REPS2: variants seen among roughly 807,000 people sequenced by gnomAD.
REPS2 encodes the protein RALBP1 associated Eps domain containing 2.
In REPS2, 23 loss-of-function variants were observed where a neutral mutation model predicts 53.6. That is an observed-to-expected ratio of 0.43 (90% CI 0.31 to 0.61). REPS2 has a LOEUF of 0.61. Among genes scored for constraint, REPS2 ranks in the 20% least tolerant of loss-of-function variants. The pLI is 0.11. For missense variants in REPS2, 446 were observed against 534.9 expected (o/e 0.83, Z 1.64); for synonymous variants, 238 against 218.6 (o/e 1.09, Z -0.78).
the REPS2 span, among the ~76,000 whole-genome samples, chrX:17,159,246 A>G: frequency 1.8e-5 from 2 of 111,809 alleles, no homozygotes; most frequent in Non-Finnish European, 3.8e-5. Context: ...TCAATGAGGC[A>G]GAAGTCATGC....
At chrX:17,008,593 A>T (rs1202170586) in intron 2 of REPS2, among the ~76,000 whole-genome samples, 1 of 112,245 alleles carries the variant, frequency 8.9e-6, no homozygotes, top group Non-Finnish European at 1.9e-5. Flanking sequence ...ATCCATTTAA[A>T]GATTGATTAA....
At chrX:17,071,584 C>T (rs2062306626) in intron 11 of REPS2, among the ~76,000 whole-genome samples, 1 of 111,660 alleles carries the variant, frequency 9.0e-6, no homozygotes, top group Non-Finnish European at 1.9e-5. Flanking sequence ...ACTACTGCCC[C>T]TCTCTGGGTA....
At chrX:17,012,380 A>AAACAACAACAACAACAAC (rs370794081) in intron 2 of REPS2, among the ~76,000 whole-genome samples, 153 of 101,931 alleles carry the variant, frequency 1.5e-3, no homozygotes, top group African/African-American at 5.3e-3. Context: ...TGCCATCTCA[A>AAACAACAACAACAACAAC]AACAACAACA....
At chrX:16,991,258 A>T (rs1473397010) in intron 1 of REPS2, among the ~76,000 whole-genome samples, 1 of 111,445 alleles carries the variant, frequency 9.0e-6, no homozygotes, top group African/African-American at 3.3e-5. Context: ...CAAGCGATTC[A>T]TCTCTTTGCC....
At chrX:17,136,717 CA>C (rs1189874939) in intron 16 of REPS2, 11 of 112,106 alleles carry the variant, frequency 9.8e-5, no homozygotes, top group African/African-American at 3.6e-4. Context: ...TTCACAAAGT[CA>C]TGCAACCATC....
At chrX:17,176,002 A>G in the REPS2 span, among the ~76,000 whole-genome samples, 1 of 112,475 alleles carries the variant, frequency 8.9e-6, no homozygotes, top group Non-Finnish European at 1.9e-5. Flanking sequence ...AAGCCAAGGC[A>G]GGATGGGGAA....
At chrX:16,988,838 G>A (rs779923619) in intron 1 of REPS2, among the ~76,000 whole-genome samples, 2 of 112,235 alleles carry the variant, frequency 1.8e-5, no homozygotes, top group Admixed American at 1.9e-4. Flanking sequence ...AACATACCAT[G>A]TTCCAGGATT....
chrX:17,004,776 G>A (rs963140028), intron 1 of REPS2, among the ~76,000 whole-genome samples: 7 of 111,926 alleles, frequency 6.3e-5, no homozygotes, highest in Non-Finnish European at 1.3e-4. Context: ...TTATGGTAAA[G>A]GAGCAACTGA....
At chrX:17,145,097 C>T (rs1369837614) in intron 17 of REPS2, among the ~76,000 whole-genome samples, 1 of 111,888 alleles carries the variant, frequency 8.9e-6, no homozygotes, top group Non-Finnish European at 1.9e-5. Context: ...ACCAGTTTGC[C>T]ACTCAGCTTT....
intron 14 of REPS2, among the ~76,000 whole-genome samples, chrX:17,104,721 G>A (rs1015632028): frequency 1.8e-5 from 2 of 111,779 alleles, no homozygotes; most frequent in Non-Finnish European, 3.8e-5. Context: ...AGTGCGAAGG[G>A]TAATAAAAAG....
intron 1 of REPS2, among the ~76,000 whole-genome samples, chrX:16,964,024 TTTATTA>T (rs749009062): frequency 2.7e-5 from 3 of 109,129 alleles, no homozygotes; most frequent in Admixed American, 9.8e-5. Context: ...TTAATTTAAT[TTTATTA>T]TTATTATTAT....
chrX:17,091,165 C>T (rs1377580369), intron 13 of REPS2, among the ~76,000 whole-genome samples: 3 of 111,973 alleles, frequency 2.7e-5, no homozygotes, highest in Admixed American at 9.5e-5. Context: ...GGTAATCCCA[C>T]GACTCAGAAG....
the REPS2 span, among the ~76,000 whole-genome samples, chrX:17,192,214 A>T: frequency 8.9e-6 from 1 of 112,522 alleles, no homozygotes; most frequent in African/African-American, 3.2e-5. Flanking sequence ...GCGTGCACGC[A>T]TGAGCGTGCA....
At chrX:17,115,983 A>C (rs5969769) in intron 14 of REPS2, among the ~76,000 whole-genome samples, 1 of 109,780 alleles carries the variant, frequency 9.1e-6, no homozygotes, top group South Asian at 4.0e-4. Flanking sequence ...CCACACTTTC[A>C]GTGTTCTGTT....
At chrX:17,173,223 G>A in the REPS2 span, among the ~76,000 whole-genome samples, 5 of 111,953 alleles carry the variant, frequency 4.5e-5, no homozygotes, top group Non-Finnish European at 9.4e-5. Context: ...TCACAAGGTT[G>A]CTAGCATGAG....
At chrX:17,051,069 A>G (rs142619214) in intron 6 of REPS2, among the ~76,000 whole-genome samples, 226 of 111,174 alleles carry the variant, frequency 2.0e-3, no homozygotes, top group Middle Eastern at 4.6e-3. Context: ...CATGAGTTCA[A>G]TCATTTTGAT....
intron 1 of REPS2, among the ~76,000 whole-genome samples, chrX:16,963,262 G>A (rs371308436): frequency 4.9e-4 from 55 of 111,665 alleles, no homozygotes; most frequent in African/African-American, 1.5e-3. Flanking sequence ...AGCAAACCAC[G>A]CCTTAAAAAT....
chrX:16,954,300 A>G (rs1301854502), intron 1 of REPS2, among the ~76,000 whole-genome samples: 1 of 111,817 alleles, frequency 8.9e-6, no homozygotes, highest in Non-Finnish European at 1.9e-5. Context: ...CAAATAAGCA[A>G]GTAGATAGAA....
chrX:17,004,297 T>C (rs1489287674), intron 1 of REPS2, among the ~76,000 whole-genome samples: 1 of 111,560 alleles, frequency 9.0e-6, no homozygotes, highest in African/African-American at 3.3e-5. Context: ...TTTTTCACCT[T>C]ATTTTCTTTA....
Sources: gnomAD v4.1 joint callset for allele counts (sites outside exome capture counted in the v4.1 genomes callset) on GRCh38, gnomAD v4.1.1 for gene constraint, MANE v1.5 for transcripts, NCBI Gene and HGNC (gene_info 2026-07-23, HGNC 2026-07-21) for gene names.